KDM4C: variants seen among roughly 807,000 people sequenced by gnomAD.
KDM4C encodes lysine-specific demethylase 4C.
Under a neutral mutation model 129.3 loss-of-function variants are expected in KDM4C, and 81 were observed. That is an observed-to-expected ratio of 0.63 (90% CI 0.52 to 0.75). The LOEUF (loss-of-function observed/expected upper bound fraction) is 0.75. Ranked by LOEUF, KDM4C falls within the 30% of genes least tolerant of loss-of-function variation. The probability of loss-of-function intolerance (pLI) is 0.00; values close to 1 mark genes in which losing one functional copy is unlikely to be tolerated. For synonymous variants in KDM4C, 573 were observed against 456.1 expected (o/e 1.26, Z -3.26); for missense variants, 1,457 against 1,304.0 (o/e 1.12, Z -1.81).
At chr9:7,099,183 T>C (rs1340489234) in intron 17 of KDM4C, among the ~76,000 whole-genome samples, 2 of 152,190 alleles carry the variant, frequency 1.3e-5, no homozygotes, top group African/African-American at 4.8e-5. Flanking sequence ...TTGGAATACC[T>C]GCCTGTTTGT....
intron 12 of KDM4C, among the ~76,000 whole-genome samples, chr9:7,004,998 G>A (rs1183766363): frequency 1.3e-5 from 2 of 152,110 alleles, no homozygotes; most frequent in African/African-American, 4.8e-5. Flanking sequence ...CCATGGCCCC[G>A]ACCAGCCAGC....
At chr9:7,140,325 T>A (rs1465103287) in intron 19 of KDM4C, among the ~76,000 whole-genome samples, 2 of 152,182 alleles carry the variant, frequency 1.3e-5, no homozygotes, top group African/African-American at 4.8e-5. Context: ...GGCTTTATGT[T>A]TGTTTTGCTT....
Position 7,052,898 on chromosome 9 carries a change from A to AGAGAGAGAGAGC in KDM4C, c.2424+3701_2424+3702insAGAGAGAGCGAG, listed in dbSNP as rs1477487723. ...GAGAGAGAGAGAGAGAGAGAGAGAG[A>AGAGAGAGAGAGC]GAGCGAGCGAGTGCCCAAGGGATGA... On this transcript the variant is annotated intron_variant, in intron 17 of 21. Transcript: ENST00000381309. Among the ~76,000 whole-genome samples the AGAGAGAGAGAGC allele has an allele frequency of 6.1e-4, 29 of 47,610 alleles. 1 individual carries two copies. The highest frequency in any genetic ancestry group is 1.7e-3 in the Non-Finnish European group (24 of 14,392). The allele number at this position is 47,610 out of a possible 152,430, so 31.2% of individuals were successfully genotyped here.
At chr9:7,107,060 A>C (rs559602325) in intron 18 of KDM4C, among the ~76,000 whole-genome samples, 1 of 152,100 alleles carries the variant, frequency 6.6e-6, no homozygotes, top group Non-Finnish European at 1.5e-5. Flanking sequence ...GTTTTTGTTG[A>C]ACACCTTTGT....
upstream of KDM4C, among the ~76,000 whole-genome samples, chr9:6,754,626 C>G (rs1342967305): frequency 2.0e-5 from 3 of 152,092 alleles, no homozygotes; most frequent in Admixed American, 6.6e-5. Flanking sequence ...TGTATTCTCA[C>G]CACTTTGGGA....
At chr9:6,897,686 T>C (rs1036882104) in intron 8 of KDM4C, among the ~76,000 whole-genome samples, 3 of 152,084 alleles carry the variant, frequency 2.0e-5, no homozygotes, top group African/African-American at 7.2e-5. Context: ...GAAAAACATA[T>C]ATATTGTCTT....
chr9:6,733,178 A>G (rs1288012723), intron 1 of KDM4C, among the ~76,000 whole-genome samples: 1 of 152,236 alleles, frequency 6.6e-6, no homozygotes, highest in Non-Finnish European at 1.5e-5. Context: ...GACAAACCAA[A>G]TTTGACAAAG....
intron 19 of KDM4C, among the ~76,000 whole-genome samples, chr9:7,153,603 G>T (rs907773197): frequency 6.6e-6 from 1 of 152,126 alleles, no homozygotes; most frequent in Non-Finnish European, 1.5e-5. Context: ...AAGTCCTCCA[G>T]TTTTATATTC....
chr9:7,068,266 A>G (rs1162411861), intron 17 of KDM4C, among the ~76,000 whole-genome samples: 1 of 152,062 alleles, frequency 6.6e-6, no homozygotes, highest in Non-Finnish European at 1.5e-5. Context: ...GGGTAGTTGT[A>G]TTTTTCCTCC....
At chr9:7,003,685 G>C (rs567278774) in intron 12 of KDM4C, among the ~76,000 whole-genome samples, 1 of 152,190 alleles carries the variant, frequency 6.6e-6, no homozygotes, top group South Asian at 2.1e-4. Context: ...TGCAGAATTT[G>C]ATTTTTCCTC....
intron 19 of KDM4C, among the ~76,000 whole-genome samples, chr9:7,150,683 C>A (rs987273397): frequency 6.6e-6 from 1 of 152,188 alleles, no homozygotes; most frequent in African/African-American, 2.4e-5. Context: ...TGGTCCCTCC[C>A]CTGCAGGCCC....
chr9:6,815,832 T>C (rs1231254312), intron 4 of KDM4C, among the ~76,000 whole-genome samples: 1 of 152,220 alleles, frequency 6.6e-6, no homozygotes, highest in Admixed American at 6.5e-5. Context: ...GGATACTTGA[T>C]CTATAGTTAA....
At chr9:7,025,498 CT>C (rs1326238116) in intron 15 of KDM4C, among the ~76,000 whole-genome samples, 1 of 151,890 alleles carries the variant, frequency 6.6e-6, no homozygotes, top group Non-Finnish European at 1.5e-5. Flanking sequence ...TAATTTCTTC[CT>C]TTTTATTTTT....
At chr9:6,803,592 TTTAAAAAAA>T (rs1014144636) in intron 2 of KDM4C, among the ~76,000 whole-genome samples, 2 of 150,830 alleles carry the variant, frequency 1.3e-5, no homozygotes, top group African/African-American at 4.9e-5. Flanking sequence ...AAAAGTTTGT[TTTAAAAAAA>T]TTAAAAAAAC....
intron 1 of KDM4C, among the ~76,000 whole-genome samples, chr9:6,786,012 A>G (rs1588251501): frequency 6.6e-6 from 1 of 152,212 alleles, no homozygotes. Flanking sequence ...TTTAAAGTAG[A>G]TACTGAACTG....
intron 8 of KDM4C, among the ~76,000 whole-genome samples, chr9:6,975,292 G>A (rs1286140325): frequency 6.6e-6 from 1 of 152,142 alleles, no homozygotes; most frequent in East Asian, 1.9e-4. Flanking sequence ...TGCATAGAAA[G>A]CAAATATAAT....
intron 7 of KDM4C, among the ~76,000 whole-genome samples, chr9:6,888,629 AG>A (rs1845638577): frequency 2.0e-5 from 3 of 152,236 alleles, no homozygotes; most frequent in Admixed American, 1.3e-4. Context: ...TTATTGGGTC[AG>A]AATTATTGCA....
intron 4 of KDM4C, among the ~76,000 whole-genome samples, chr9:6,836,536 T>A (rs1537369): frequency 6.6e-6 from 1 of 151,846 alleles, no homozygotes; most frequent in Non-Finnish European, 1.5e-5. Context: ...CCACTCTTTT[T>A]TAGTCCTTTC....
chr9:6,933,868 G>T (rs941304940), intron 8 of KDM4C, among the ~76,000 whole-genome samples: 19 of 134,298 alleles, frequency 1.4e-4, no homozygotes, highest in African/African-American at 4.5e-4. Flanking sequence ...ATTTTTTTTT[G>T]AGATGGAGTC....
Sources: allele counts gnomAD v4.1 joint callset (sites outside exome capture counted in the v4.1 genomes callset), GRCh38; gene constraint gnomAD v4.1.1; transcripts MANE v1.5; gene names NCBI Gene and HGNC (gene_info 2026-07-23, HGNC 2026-07-21).